The following ZNF283 variants were observed in gnomAD, a reference collection of about 807,000 sequenced individuals.
The protein encoded by ZNF283 is zinc finger protein 283.
ZNF283 carries 10 observed loss-of-function variants against 9.2 expected under a neutral mutation model. That is an observed-to-expected ratio of 1.09 (90% CI 0.67 to 1.85). ZNF283 has a LOEUF of 1.85. ZNF283 is among the 40% of genes most tolerant of loss of function. The pLI is 0.00. For missense variants in ZNF283, 631 were observed against 760.1 expected, an observed-to-expected ratio of 0.83 and a Z score of 2.00; for synonymous variants, 234 against 244.1, an observed-to-expected ratio of 0.96 and a Z score of 0.38.
chr19:43,844,726 A>C (rs2146575891), intron 6 of ZNF283, among the ~76,000 whole-genome samples: 1 of 152,328 alleles, frequency 6.6e-6, no homozygotes, highest in South Asian at 2.1e-4. Flanking sequence ...TCAACAGGCA[A>C]GGCACATGAA....
Position 43,851,051 on chromosome 19 carries a change from A to G in ZNF283, c.*2410A>G, listed in dbSNP as rs1310933979. The G allele has an allele frequency of 3.3e-5, 5 of 152,184 alleles. No individual in the cohort carries two copies. The highest frequency in any genetic ancestry group is 7.3e-5 in the Non-Finnish European group (5 of 68,032). The allele number at this position is 152,184 out of a possible 1,614,324, so 9.4% of individuals were successfully genotyped here. ...CTGTTCAGTCAGTCATTCACCATCT[A>G]GTGATCATCATTCTACATGATTGCA... On this transcript the variant is annotated 3_prime_UTR_variant, in exon 7 of 7. Coordinates refer to ENST00000618787, the MANE Select transcript of ZNF283 (RefSeq NM_181845.2).
intron 6 of ZNF283, among the ~76,000 whole-genome samples, chr19:43,842,086 A>G (rs1971235524): frequency 6.6e-6 from 1 of 152,044 alleles, no homozygotes; most frequent in Non-Finnish European, 1.5e-5. Flanking sequence ...CTTCTTTAGT[A>G]CTTTTCCTCC....
At chr19:43,839,672 G>A (rs1295464094) in intron 6 of ZNF283, among the ~76,000 whole-genome samples, 1 of 151,964 alleles carries the variant, frequency 6.6e-6, no homozygotes, top group African/African-American at 2.4e-5. Flanking sequence ...AATTTCAAAT[G>A]ACTCATTTTC....
chr19:43,836,891 G>A (rs1971003227), intron 5 of ZNF283, among the ~76,000 whole-genome samples, 162 bp from the exon 6 acceptor site: 2 of 152,162 alleles, frequency 1.3e-5, no homozygotes, highest in Admixed American at 1.3e-4. Flanking sequence ...TCCTGCTTTA[G>A]TCACAGATTT....
intron 4 of ZNF283, 87 bp from the exon 5 acceptor site, chr19:43,835,418 A>G: frequency 1.2e-6 from 1 of 836,184 alleles, no homozygotes; most frequent in African/African-American, 1.7e-5. Context: ...AGAAGCAGGC[A>G]TGGAGAAGAT....
At position 43,847,094 on chromosome 19, in the gene ZNF283, G is replaced by A. The variant is rs776736951; in HGVS notation, c.493G>A (p.Glu165Lys). The A allele has an allele frequency of 1.7e-5, 27 of 1,613,066 alleles. No individual in the cohort carries two copies. Among genetic ancestry groups the A allele is most frequent in the Non-Finnish European group, 2.2e-5 (26 of 1,179,508 alleles). ...TAATTGGAAGTGCAAAAGCATATTC[G>A]AGGGACTAAAAGGACATCAAGAGGG... Reference protein sequence around the residue: ...RNNWKCKSIFEGLKGHQEGYF... With the variant: ...RNNWKCKSIFKGLKGHQEGYF... Residue 165 changes from glutamate (E) to lysine (K), a missense_variant, in exon 7 of 7, where the codon GAG (glutamate) becomes AAG (lysine). Glu to Lys is a moderately conservative substitution (Grantham distance 56). Around this residue, in one of 3 missense-constraint regions of ZNF283, gnomAD observed 184 missense variants for 220.0 expected, o/e 0.84. Coordinates refer to ENST00000618787, the MANE Select transcript of ZNF283 (RefSeq NM_181845.2).
chr19:43,843,174 C>G (rs539122122), intron 6 of ZNF283, among the ~76,000 whole-genome samples: 1 of 152,262 alleles, frequency 6.6e-6, no homozygotes, highest in East Asian at 1.9e-4. Flanking sequence ...AACCCCATCT[C>G]TACTAAAAAT....
At position 43,848,611 on chromosome 19, in the gene ZNF283, T is replaced by C. The variant is rs1166643011; in HGVS notation, c.2010T>C (p.Asn670=). Residue 670 remains asparagine (N), a synonymous_variant, in exon 7 of 7, where the codon AAT becomes AAC. Coordinates refer to ENST00000618787, the MANE Select transcript of ZNF283 (RefSeq NM_181845.2). ...GEAFLWTTYS[N]EKIDTDETL Reference sequence around the variant, plus strand: ...CCTTTCTGTGGACAACTTACTCAAATGAGAAAATTGATACTGATGAAACCT... The same window carrying C: ...CCTTTCTGTGGACAACTTACTCAAACGAGAAAATTGATACTGATGAAACCT... The C allele has an allele frequency of 1.9e-6, 3 of 1,570,122 alleles. No individual in the cohort carries two copies. Among genetic ancestry groups the C allele is most frequent in the Non-Finnish European group, 2.6e-6 (3 of 1,155,852 alleles).
chr19:43,830,901 T>TAAAAAA (rs367850643), intron 2 of ZNF283, among the ~76,000 whole-genome samples: 1 of 73,842 alleles, frequency 1.4e-5, no homozygotes, highest in Non-Finnish European at 2.4e-5. Context: ...AGACTCCATC[T>TAAAAAA]AAAAAAAAAA....
chr19:43,828,847 A>G (rs896041650), intron 2 of ZNF283, among the ~76,000 whole-genome samples: 1 of 152,140 alleles, frequency 6.6e-6, no homozygotes, highest in African/African-American at 2.4e-5. Context: ...AAAGAAAGGC[A>G]AGGTATAAGG....
chr19:43,848,283 A>G lies in ZNF283; in HGVS notation c.1682A>G (p.His561Arg). ...AFSRGYHLTQ[H>R]QKIHTGEKPF... ...AGTCGTGGCTATCACCTTACTCAAC[A>G]TCAGAAAATTCATACCGGTGAGAAA... Residue 561 changes from histidine (H) to arginine (R), a missense_variant, in exon 7 of 7, where the codon CAT (histidine) becomes CGT (arginine). Physicochemically the swap from His to Arg is conservative, Grantham distance 29 (BLOSUM62 0). Transcript: ENST00000618787. 1 of 1,613,372 alleles carries G rather than the reference A, an allele frequency of 6.2e-7. No individual in the cohort carries two copies. Among genetic ancestry groups the G allele is most frequent in the Non-Finnish European group, 8.5e-7 (1 of 1,179,790 alleles).
At chr19:43,836,930 C>A in intron 5 of ZNF283, 123 bp from the exon 6 acceptor site, 1 of 1,056,068 alleles carries the variant, frequency 9.5e-7, no homozygotes, top group Non-Finnish European at 1.4e-6. Flanking sequence ...ATATCAGAGG[C>A]TTTCAGCCTA....
Position 43,847,193 on chromosome 19 carries a change from C to T in ZNF283, c.592C>T (p.Gln198Ter). Residue 198 changes from glutamine (Q) to a stop codon, truncating the protein, a stop_gained, in exon 7 of 7, where the codon CAA (glutamine) becomes TAA (stop). Coordinates refer to ENST00000618787, the MANE Select transcript of ZNF283 (RefSeq NM_181845.2). LOFTEE classifies it low-confidence loss of function (END_TRUNC). ...AAAAAGTAAATCTCTTACTCCACAT[C>T]AAAGAATTCATAATACAGAGAAATC... ...YRKSKSLTPH[Q>*]RIHNTEKSYV... is the part of the protein sequence containing the mutation. The T allele has an allele frequency of 2.5e-6, 4 of 1,613,784 alleles. No homozygotes were observed. Among genetic ancestry groups the T allele is most frequent in the Non-Finnish European group, 2.5e-6 (3 of 1,179,774 alleles).
chr19:43,833,484 C>CT (rs55882936), intron 3 of ZNF283, 21 bp from the exon 4 acceptor site: 18,597 of 137,678 alleles, frequency 0.14, 1,713 homozygotes, highest in Middle Eastern at 0.17. Flanking sequence ...TTACCTATTT[C>CT]TTTTTTTTTT....
Position 43,848,694 on chromosome 19 carries a change from T to C in ZNF283, c.*53T>C. On this transcript the variant is annotated 3_prime_UTR_variant, in exon 7 of 7. Coordinates refer to ENST00000618787, the MANE Select transcript of ZNF283 (RefSeq NM_181845.2). Reference sequence around the variant, plus strand: ...TGTGTGTATAGACAACTTATCATAATAAGAACTCTTACTCTTGAGAAACCT... The same window carrying C: ...TGTGTGTATAGACAACTTATCATAACAAGAACTCTTACTCTTGAGAAACCT... The C allele has an allele frequency of 6.8e-7, 1 of 1,465,388 alleles. No individual in the cohort carries two copies. The highest frequency in any genetic ancestry group is 9.1e-7 in the Non-Finnish European group (1 of 1,103,070). 90.8% of individuals were successfully genotyped at this position (1,465,388 alleles called of 1,614,324 possible).
At chr19:43,839,254 T>G (rs747862853) in intron 6 of ZNF283, among the ~76,000 whole-genome samples, 1 of 152,022 alleles carries the variant, frequency 6.6e-6, no homozygotes. Context: ...TCTTTTGGAC[T>G]TTTCAATATA....
chr19:43,848,445 G>C lies in ZNF283; in HGVS notation c.1844G>C (p.Ser615Thr). 6.2e-7 allele frequency: 1 copy of C among 1,613,912 alleles called. No homozygotes were observed. The highest frequency in any genetic ancestry group is 8.5e-7 in the Non-Finnish European group (1 of 1,179,866). ...GKAFGSGYQLSVHQRFHTGEK... is the reference protein window; with the variant it reads ...GKAFGSGYQLTVHQRFHTGEK... ...GCCTTTGGTAGTGGCTATCAACTTAGTGTTCATCAGAGATTTCATACTGGT... is the reference window on the plus strand; with the variant it reads ...GCCTTTGGTAGTGGCTATCAACTTACTGTTCATCAGAGATTTCATACTGGT... Residue 615 changes from serine to threonine, a missense_variant, in exon 7 of 7, where the codon AGT becomes ACT. Transcript: ENST00000618787.
intron 6 of ZNF283, among the ~76,000 whole-genome samples, chr19:43,844,765 C>G (rs1971344702): frequency 6.6e-6 from 1 of 152,076 alleles, no homozygotes; most frequent in Non-Finnish European, 1.5e-5. Flanking sequence ...ATGATTTGGG[C>G]CCAAATGTCA....
chr19:43,846,289 T>G (rs1971396679), intron 6 of ZNF283, among the ~76,000 whole-genome samples: 1 of 152,332 alleles, frequency 6.6e-6, no homozygotes, highest in South Asian at 2.1e-4. Flanking sequence ...AAATCAATCC[T>G]TTTATAAAAA....
Sources: gnomAD v4.1 joint callset for allele counts (sites outside exome capture counted in the v4.1 genomes callset) on GRCh38, gnomAD v4.1.1 for gene constraint, gnomAD v4.1.1 regional missense constraint, MANE v1.5 for transcripts, NCBI Gene and HGNC (gene_info 2026-07-23, HGNC 2026-07-21) for gene names.